NAALADL2: variants seen among roughly 807,000 people sequenced by gnomAD.
The protein encoded by NAALADL2 is inactive N-acetylated-alpha-linked acidic dipeptidase-like protein 2.
In NAALADL2, 76 loss-of-function variants were observed where a neutral mutation model predicts 87.2. The ratio of observed to expected loss-of-function variants is 0.87; its 90% CI spans 0.72 to 1.05. The LOEUF (loss-of-function observed/expected upper bound fraction) is 1.05. NAALADL2 is among the 50% of genes least tolerant of loss of function. The pLI is 0.00. For missense variants in NAALADL2, 1,089 were observed against 945.8 expected, an observed-to-expected ratio of 1.15 and a Z score of -1.99; for synonymous variants, 354 against 331.0, an observed-to-expected ratio of 1.07 and a Z score of -0.75.
intron 1 of NAALADL2, among the ~76,000 whole-genome samples, chr3:175,091,910 A>G (rs534368425): frequency 2.0e-5 from 3 of 152,098 alleles, no homozygotes; most frequent in Non-Finnish European, 4.4e-5. Context: ...TTATTTCTCA[A>G]CATCTCCAGT....
chr3:175,432,823 A>G (rs549524117), intron 5 of NAALADL2, among the ~76,000 whole-genome samples: 1 of 152,068 alleles, frequency 6.6e-6, no homozygotes, highest in Non-Finnish European at 1.5e-5. Context: ...CCGGACTTTG[A>G]CATGCTGACC....
At chr3:174,823,071 A>G (rs1325849602) in intron 3 of NAALADL2, among the ~76,000 whole-genome samples, 6 of 152,214 alleles carry the variant, frequency 3.9e-5, no homozygotes, top group Admixed American at 3.9e-4. Flanking sequence ...AAATGCATAT[A>G]AAAGATTAAA....
chr3:174,543,776 G>C (rs561206613), intron 1 of NAALADL2, among the ~76,000 whole-genome samples: 81 of 152,136 alleles, frequency 5.3e-4, no homozygotes, highest in Non-Finnish European at 1.8e-4. Context: ...GGGAGGCCTA[G>C]GTGGGTGGAT....
At chr3:175,017,351 A>G (rs1034494054) in intron 1 of NAALADL2, among the ~76,000 whole-genome samples, 13 of 152,098 alleles carry the variant, frequency 8.5e-5, no homozygotes, top group African/African-American at 3.1e-4. Flanking sequence ...AATCTTCACA[A>G]CCATCCTTCA....
chr3:174,510,040 A>G (rs1719497805), intron 1 of NAALADL2, among the ~76,000 whole-genome samples: 1 of 152,074 alleles, frequency 6.6e-6, no homozygotes, highest in East Asian at 1.9e-4. Context: ...GTTATGGGGA[A>G]TTACATAATA....
At chr3:175,715,193 G>C (rs1275518272) in intron 11 of NAALADL2, among the ~76,000 whole-genome samples, 6 of 152,072 alleles carry the variant, frequency 3.9e-5, no homozygotes, top group Non-Finnish European at 7.4e-5. Context: ...TATGTCCAAG[G>C]CCACAAGGAT....
At chr3:174,747,702 A>C (rs1246832298) in intron 3 of NAALADL2, among the ~76,000 whole-genome samples, 4 of 151,888 alleles carry the variant, frequency 2.6e-5, no homozygotes, top group Non-Finnish European at 5.9e-5. Context: ...ACACATTTAC[A>C]CTGTTGGTGG....
At chr3:175,533,330 C>T (rs1734356340) in intron 9 of NAALADL2, among the ~76,000 whole-genome samples, 1 of 152,158 alleles carries the variant, frequency 6.6e-6, no homozygotes, top group East Asian at 1.9e-4. Context: ...CCCTAGGGGC[C>T]CACTGGGACT....
rs150349907 is a variant in NAALADL2 at position 175,244,588 on chromosome 3, G to A, written c.819+10384G>A. Among the ~76,000 whole-genome samples, 464 of 151,952 alleles carry A rather than the reference G, an allele frequency of 3.1e-3. 2 individuals are homozygous for A. The highest frequency in any genetic ancestry group is 0.01 in the African/African-American group (430 of 41,436). On this transcript the variant is annotated intron_variant, in intron 3 of 13. Coordinates refer to ENST00000454872, the MANE Select transcript of NAALADL2 (RefSeq NM_207015.3). ...AATTTTATCCGTATCCAATCCCATCGCTATAAAAATGCATAACTTTTTATT... is the reference window on the plus strand; with the variant it reads ...AATTTTATCCGTATCCAATCCCATCACTATAAAAATGCATAACTTTTTATT...
intron 5 of NAALADL2, among the ~76,000 whole-genome samples, chr3:175,387,259 G>T (rs1244643854): frequency 6.6e-6 from 1 of 152,114 alleles, no homozygotes; most frequent in Non-Finnish European, 1.5e-5. Context: ...GCCTTGGAAT[G>T]CATTCCCTAT....
intron 3 of NAALADL2, among the ~76,000 whole-genome samples, chr3:174,821,639 T>A (rs1721435304): frequency 6.6e-6 from 1 of 152,202 alleles, no homozygotes; most frequent in South Asian, 2.1e-4. Context: ...CACAGAGTTC[T>A]GACTTCCCAG....
At chr3:175,273,855 C>T (rs62285945) in intron 4 of NAALADL2, among the ~76,000 whole-genome samples, 16,121 of 151,892 alleles carry the variant, frequency 0.11, 971 homozygotes, top group South Asian at 0.15. Flanking sequence ...TTCAAAGTAA[C>T]TTACAAAAGA....
At chr3:174,981,509 G>A (rs1745107224) in intron 1 of NAALADL2, among the ~76,000 whole-genome samples, 1 of 152,096 alleles carries the variant, frequency 6.6e-6, no homozygotes, top group Non-Finnish European at 1.5e-5. Context: ...ACCGCCAAAA[G>A]GTGGTACTTG....
At position 174,501,170 on chromosome 3, in the gene NAALADL2, C is replaced by G. The variant is rs536163803; in HGVS notation, c.-183-49399C>G. On this transcript the variant is annotated intron_variant, in intron 1 of 3. Coordinates refer to the NAALADL2 transcript ENST00000434257. ...CTCGGCTCACTGCAAGCTCCGCCTC[C>G]CGGGTTCACGCCATTCTCCTGCCTC... Among the ~76,000 whole-genome samples the G allele has an allele frequency of 2.3e-3, 320 of 141,508 alleles. 2 individuals are homozygous for G. The Middle Eastern group carries it at 0.031, about 14-fold the overall frequency. 92.8% of individuals were successfully genotyped at this position (141,508 alleles called of 152,430 possible).
chr3:175,343,677 C>CTTTTTTTTTTTTTTTT (rs1560398617), intron 5 of NAALADL2, among the ~76,000 whole-genome samples: 1 of 78,882 alleles, frequency 1.3e-5, no homozygotes, highest in Non-Finnish European at 2.8e-5. Flanking sequence ...TTTTTTTTTT[C>CTTTTTTTTTTTTTTTT]CCTTCCCACT....
chr3:174,855,884 AT>A (rs1163122530), upstream of NAALADL2, among the ~76,000 whole-genome samples: 1 of 139,856 alleles, frequency 7.2e-6, no homozygotes, highest in Non-Finnish European at 1.5e-5. Flanking sequence ...ATACATACAT[AT>A]GAATATATAT....
chr3:175,053,236 A>G (rs1266661899), intron 1 of NAALADL2, among the ~76,000 whole-genome samples: 1 of 152,234 alleles, frequency 6.6e-6, no homozygotes, highest in African/African-American at 2.4e-5. Context: ...ATTGATAAAT[A>G]TGCCCAATAA....
At chr3:175,304,595 G>A (rs966922111) in intron 4 of NAALADL2, among the ~76,000 whole-genome samples, 2 of 152,092 alleles carry the variant, frequency 1.3e-5, no homozygotes, top group Admixed American at 6.6e-5. Flanking sequence ...CCATGAAGCC[G>A]GTGCTCATTT....
intron 7 of NAALADL2, among the ~76,000 whole-genome samples, chr3:175,465,151 C>A (rs1024546644): frequency 6.6e-6 from 1 of 150,824 alleles, no homozygotes; most frequent in Non-Finnish European, 1.5e-5. Flanking sequence ...ACTGGGGAGG[C>A]TGAGGCAGGA....
Sources: allele counts gnomAD v4.1 joint callset (sites outside exome capture counted in the v4.1 genomes callset), GRCh38; gene constraint gnomAD v4.1.1; transcripts MANE v1.5; gene names NCBI Gene and HGNC (gene_info 2026-07-23, HGNC 2026-07-21).